Variants in UNC119B observed in about 807,000 individuals in gnomAD.
The protein encoded by UNC119B is unc-119 lipid binding chaperone B, also known as protein unc-119 homolog B.
UNC119B carries 16 observed loss-of-function variants against 23.4 expected under a neutral mutation model. The ratio of observed to expected loss-of-function variants is 0.68; its 90% CI spans 0.46 to 1.04. UNC119B has a LOEUF of 1.04. Among genes scored for constraint, UNC119B ranks in the 50% least tolerant of loss-of-function variants. The pLI is 0.00. For missense variants in UNC119B, 350 were observed against 361.3 expected, an observed-to-expected ratio of 0.97 and a Z score of 0.25; for synonymous variants, 144 against 145.4, an observed-to-expected ratio of 0.99 and a Z score of 0.07.
At chr12:120,713,028 A>G (rs1376107049) in intron 1 of UNC119B, among the ~76,000 whole-genome samples, 1 of 152,246 alleles carries the variant, frequency 6.6e-6, no homozygotes, top group East Asian at 1.9e-4. Flanking sequence ...CACCTTTTCT[A>G]TCCTAGTTTC....
chr12:120,716,545 C>T, intron 2 of UNC119B, 83 bp from the exon 3 acceptor site: 1 of 1,420,774 alleles, frequency 7.0e-7, no homozygotes, highest in Non-Finnish European at 9.9e-7. Context: ...GATTGGTTGC[C>T]ATTGTGCTGT....
chr12:120,710,853 C>A, intron 1 of UNC119B, 135 bp downstream of exon 1: 1 of 868,416 alleles, frequency 1.2e-6, no homozygotes, highest in Non-Finnish European at 1.5e-6. Context: ...CTTCCCGCTG[C>A]CCCGCCGGCC....
chr12:120,710,757 G>A (rs1285650803), intron 1 of UNC119B, 39 bp downstream of exon 1: 39 of 1,297,278 alleles, frequency 3.0e-5, no homozygotes, highest in Non-Finnish European at 3.8e-5. Flanking sequence ...CTCGCGCCGT[G>A]CCCCGGCTCC....
chr12:120,715,287 G>T (rs951467920), intron 2 of UNC119B, among the ~76,000 whole-genome samples: 2 of 152,334 alleles, frequency 1.3e-5, no homozygotes, highest in African/African-American at 4.8e-5. Context: ...CCCAAGATTT[G>T]CTGTCTCTCT....
chr12:120,711,007 C>T (rs923842687), intron 1 of UNC119B: 7 of 264,120 alleles, frequency 2.7e-5, no homozygotes, highest in East Asian at 6.8e-5. Flanking sequence ...GGGTAGAGGG[C>T]CCCGTTCAGC....
intron 2 of UNC119B, among the ~76,000 whole-genome samples, chr12:120,713,834 G>A (rs1228231535): frequency 6.6e-6 from 1 of 152,170 alleles, no homozygotes; most frequent in East Asian, 1.9e-4. Context: ...AGGGTGATAG[G>A]GAGGATCCTG....
intron 2 of UNC119B, among the ~76,000 whole-genome samples, chr12:120,714,926 A>G (rs145070313): frequency 0.021 from 3,156 of 152,202 alleles, 112 homozygotes; most frequent in African/African-American, 0.072. Context: ...GGTGGATCAC[A>G]CCTGTAATTC....
Position 120,710,622 on chromosome 12 carries a change from G to A in UNC119B, c.148G>A (p.Asp50Asn). 1 of 1,443,078 alleles carries A rather than the reference G, an allele frequency of 6.9e-7. No individual in the cohort carries two copies. The highest frequency in any genetic ancestry group is 2.7e-5 in the Admixed American group (1 of 37,252). 89.4% of individuals were successfully genotyped at this position (1,443,078 alleles called of 1,614,324 possible). A position where few individuals can be genotyped will look rare whatever the true frequency, so the allele number is the denominator to read the frequency against. The change falls in exon 1 of 5, where the codon GAC becomes AAC. Residue 50 changes from aspartate (D) to asparagine (N), a missense_variant. By Grantham distance (23) the Asp-to-Asn change is conservative. Transcript: ENST00000344651. ...GCGGCAGGCGCCCCACCACGCGGCCGACGACGGCGTCGGGGCAGCGGTCAC... is the reference window on the plus strand; with the variant it reads ...GCGGCAGGCGCCCCACCACGCGGCCAACGACGGCGTCGGGGCAGCGGTCAC... ...ARRQAPHHAA[D>N]DGVGAAVTEQ...
chr12:120,717,147 C>G (rs1882798718), intron 4 of UNC119B, 105 bp downstream of exon 4: 4 of 1,153,466 alleles, frequency 3.5e-6, no homozygotes, highest in Non-Finnish European at 4.9e-6. Context: ...CGTGGCAGTG[C>G]TGACATGATG....
At position 120,716,744 on chromosome 12, in the gene UNC119B, G is replaced by C; in HGVS notation, c.470+5G>C. Reference sequence around the variant, plus strand: ...CCTCCGGACAGTCGGGGCTACGTGAGTACCATTACTACCTGAGGGGAGAAC... The same window carrying C: ...CCTCCGGACAGTCGGGGCTACGTGACTACCATTACTACCTGAGGGGAGAAC... On this transcript the variant is annotated splice_donor_5th_base_variant and intron_variant, in intron 3 of 4. Coordinates refer to ENST00000344651, the MANE Select transcript of UNC119B (RefSeq NM_001080533.3). 2 of 1,613,674 alleles carry C rather than the reference G, an allele frequency of 1.2e-6. No homozygotes were observed. Among genetic ancestry groups the C allele is most frequent in the Non-Finnish European group, 1.7e-6 (2 of 1,179,574 alleles).
chr12:120,713,355 T>G lies in UNC119B; in HGVS notation c.326T>G (p.Val109Gly), dbSNP rs1882707806. The change falls in exon 2 of 5, where the codon GTA (valine) becomes GGA (glycine). Residue 109 changes from valine (V) to glycine (G), a missense_variant. Coordinates refer to ENST00000344651, the MANE Select transcript of UNC119B (RefSeq NM_001080533.3). ...ATTCGAGATTTGGAGACAGGGACAG[T>G]ACTTTTTGAGATTGCCAAACCTTGC... ...FKIRDLETGT[V>G]LFEIAKPCVS... 1 of 1,614,034 alleles carries G rather than the reference T, an allele frequency of 6.2e-7. No homozygotes were observed. Among genetic ancestry groups the G allele is most frequent in the Non-Finnish European group, 8.5e-7 (1 of 1,179,974 alleles).
In UNC119B at chr12:120,716,954, C is replaced by G. The variant is rs774408813; in HGVS notation, c.555C>G (p.Asn185Lys). The change falls in exon 4 of 5, where the codon AAC becomes AAG. Residue 185 changes from asparagine (N) to lysine (K), a missense_variant. Physicochemically the swap from Asn to Lys is moderately conservative, Grantham distance 94. Transcript: ENST00000344651. ...RHYFREHLLK[N>K]FDFDFGFCIP... is the part of the protein sequence containing the mutation. ...ATTTCCGGGAACACTTGCTGAAAAACTTTGACTTTGATTTTGGCTTCTGCA... is the reference window on the plus strand; with the variant it reads ...ATTTCCGGGAACACTTGCTGAAAAAGTTTGACTTTGATTTTGGCTTCTGCA... 6.2e-7 allele frequency: 1 copy of G among 1,613,908 alleles called. No homozygotes were observed. Among genetic ancestry groups the G allele is most frequent in the East Asian group, 2.2e-5 (1 of 44,886 alleles).
intron 2 of UNC119B, among the ~76,000 whole-genome samples, 194 bp from the exon 3 acceptor site, chr12:120,716,434 T>G (rs1256640649): frequency 2.3e-4 from 35 of 152,232 alleles, no homozygotes; most frequent in Admixed American, 2.1e-3. Context: ...CAGTAACACC[T>G]CGAAGGGTTG....
At position 120,720,371 on chromosome 12, in the gene UNC119B, C is replaced by G. The variant is rs1882869363; in HGVS notation, c.*339C>G. ...TCTTGACGACCAGGCATAGCTGTGCCTGGTGAGAAGGCTCTGGCCAGGCCC... is the reference window on the plus strand; with the variant it reads ...TCTTGACGACCAGGCATAGCTGTGCGTGGTGAGAAGGCTCTGGCCAGGCCC... On this transcript the variant is annotated 3_prime_UTR_variant, in exon 5 of 5. Transcript: ENST00000344651. 4.8e-6 allele frequency: 1 copy of G among 210,120 alleles called. No individual in the cohort carries two copies. The allele number at this position is 210,120 out of a possible 1,614,324, so 13.0% of individuals were successfully genotyped here.
chr12:120,720,198 T>C lies in UNC119B; in HGVS notation c.*166T>C. On this transcript the variant is annotated 3_prime_UTR_variant, in exon 5 of 5. Transcript: ENST00000344651. ...CGCCAAAGGAGCTGCCAAACAGTGC[T>C]GTGTTTTCTTCCCCAGTATTTTTTC... The C allele has an allele frequency of 3.4e-6, 2 of 593,506 alleles. No homozygotes were observed. The highest frequency in any genetic ancestry group is 6.0e-6 in the Non-Finnish European group (2 of 335,828). The allele number at this position is 593,506 out of a possible 1,614,324, so 36.8% of individuals were successfully genotyped here. A position where few individuals can be genotyped will look rare whatever the true frequency, so the allele number is the denominator to read the frequency against.
In UNC119B at chr12:120,723,084, A is replaced by G. The variant is rs1447421852; in HGVS notation, c.*3052A>G. ...TTTAATAGGCTGTGTCTAATGTACAAACTGGGTGAGTCCTGCCTTAGTGTG... is the reference window on the plus strand; with the variant it reads ...TTTAATAGGCTGTGTCTAATGTACAGACTGGGTGAGTCCTGCCTTAGTGTG... On this transcript the variant is annotated 3_prime_UTR_variant, in exon 5 of 5. Transcript: ENST00000344651. 1 of 153,162 alleles carries G rather than the reference A, an allele frequency of 6.5e-6. No individual in the cohort carries two copies. Among genetic ancestry groups the G allele is most frequent in the Non-Finnish European group, 1.5e-5 (1 of 68,202 alleles). The allele number at this position is 153,162 out of a possible 1,614,324, so 9.5% of individuals were successfully genotyped here.
chr12:120,719,815 G>A, intron 4 of UNC119B, 105 bp from the exon 5 acceptor site: 2 of 739,162 alleles, frequency 2.7e-6, no homozygotes, highest in South Asian at 1.6e-5. Flanking sequence ...ACTCTGAAGC[G>A]CTGGCTTATT....
intron 2 of UNC119B, among the ~76,000 whole-genome samples, chr12:120,714,251 CA>C (rs1239401718): frequency 6.6e-6 from 1 of 152,178 alleles, no homozygotes; most frequent in East Asian, 1.9e-4. Flanking sequence ...ATCATAATCT[CA>C]TACTGACCAA....
chr12:120,718,016 C>T (rs999841174), intron 4 of UNC119B, among the ~76,000 whole-genome samples: 1 of 151,972 alleles, frequency 6.6e-6, no homozygotes, highest in Non-Finnish European at 1.5e-5. Context: ...CTACAGGTGC[C>T]CACCACCATG....
Sources: gnomAD v4.1 joint callset for allele counts (sites outside exome capture counted in the v4.1 genomes callset) on GRCh38, gnomAD v4.1.1 for gene constraint, MANE v1.5 for transcripts, NCBI Gene and HGNC (gene_info 2026-07-23, HGNC 2026-07-21) for gene names.